The following SLIT2 variants were observed in gnomAD, a reference collection of about 807,000 sequenced individuals.
The protein encoded by SLIT2 is slit guidance ligand 2.
In SLIT2, 41 loss-of-function variants were observed where a neutral mutation model predicts 185.7. The ratio of observed to expected loss-of-function variants is 0.22; its 90% confidence interval spans 0.17 to 0.29. The LOEUF is 0.29. Ranked by LOEUF, SLIT2 falls within the 10% of genes least tolerant of loss-of-function variation. SLIT2 has a pLI of 1.00. For missense variants in SLIT2, 1,571 were observed against 1,909.0 expected (o/e 0.82, Z 3.30); for synonymous variants, 693 against 680.2 (o/e 1.02, Z -0.29).
intron 34 of SLIT2, among the ~76,000 whole-genome samples, chr4:20,612,526 A>G (rs1318190783): frequency 1.3e-5 from 2 of 152,138 alleles, no homozygotes; most frequent in Non-Finnish European, 2.9e-5. Context: ...TTTTCAAACC[A>G]CAAGGAACCT....
chr4:20,472,540 C>CTATATAGATA (rs1560454969), intron 5 of SLIT2, among the ~76,000 whole-genome samples: 913 of 9,480 alleles, frequency 0.096, 317 homozygotes, highest in African/African-American at 0.1. Context: ...ATAGATATAT[C>CTATATAGATA]TATATCTATA....
chr4:20,493,453 A>T (rs1397238664), intron 9 of SLIT2, among the ~76,000 whole-genome samples: 1 of 152,204 alleles, frequency 6.6e-6, no homozygotes, highest in Non-Finnish European at 1.5e-5. Context: ...TTTTCCTGAG[A>T]TCATCCATCA....
chr4:20,511,419 T>TC (rs1719698851), intron 11 of SLIT2, among the ~76,000 whole-genome samples: 1 of 146,612 alleles, frequency 6.8e-6, no homozygotes, highest in Non-Finnish European at 1.5e-5. Flanking sequence ...TTTTTTTATT[T>TC]CTTTTTTTTT....
intron 4 of SLIT2, among the ~76,000 whole-genome samples, chr4:20,341,446 G>A (rs1720956623): frequency 6.6e-6 from 1 of 152,144 alleles, no homozygotes; most frequent in Non-Finnish European, 1.5e-5. Context: ...ACATCTTCAA[G>A]GGCATTTTAA....
chr4:20,566,799 T>C (rs1347175758), intron 26 of SLIT2, among the ~76,000 whole-genome samples: 1 of 152,042 alleles, frequency 6.6e-6, no homozygotes, highest in African/African-American at 2.4e-5. Flanking sequence ...GCAGGTGCAT[T>C]GTATTGTGTA....
At chr4:20,493,417 T>C (rs934116940) in intron 9 of SLIT2, among the ~76,000 whole-genome samples, 1 of 152,184 alleles carries the variant, frequency 6.6e-6, no homozygotes, top group Admixed American at 6.5e-5. Context: ...ATTAAGTGAC[T>C]ATTTACTACC....
At chr4:20,500,834 G>T (rs1023139553) in intron 9 of SLIT2, among the ~76,000 whole-genome samples, 6 of 152,230 alleles carry the variant, frequency 3.9e-5, no homozygotes, top group Non-Finnish European at 7.4e-5. Flanking sequence ...ATTTTCTTCT[G>T]AGATCCTCAC....
intron 9 of SLIT2, among the ~76,000 whole-genome samples, chr4:20,493,636 C>T (rs1206699587): frequency 1.3e-5 from 2 of 152,140 alleles, no homozygotes; most frequent in African/African-American, 4.8e-5. Context: ...CCCAGGTTTA[C>T]CTATCATTTA....
rs375807900 is a variant in SLIT2 at position 20,557,942 on chromosome 4, G to A, written c.2725+3974G>A. Among the ~76,000 whole-genome samples the A allele has an allele frequency of 9.2e-5, 14 of 152,168 alleles. No homozygotes were observed. The East Asian group carries it at 2.5e-3, about 27-fold the overall frequency. On this transcript the variant is annotated intron_variant, in intron 26 of 36. Transcript: ENST00000504154. Reference sequence around the variant, plus strand: ...GGTAACTACACATGTGGTAGAAATAGCAAGAGATTAGAATTAGAAGTGGAG... The same window carrying A: ...GGTAACTACACATGTGGTAGAAATAACAAGAGATTAGAATTAGAAGTGGAG...
At chr4:20,380,131 G>A (rs1724372337) in intron 4 of SLIT2, among the ~76,000 whole-genome samples, 1 of 152,106 alleles carries the variant, frequency 6.6e-6, no homozygotes, top group African/African-American at 2.4e-5. Flanking sequence ...GTTCTTACCA[G>A]CAATAGGACA....
chr4:20,611,557 A>T (rs1000825547), intron 34 of SLIT2, among the ~76,000 whole-genome samples: 7 of 152,262 alleles, frequency 4.6e-5, no homozygotes, highest in African/African-American at 1.7e-4. Flanking sequence ...AAGTTGACTT[A>T]TCTGATTGCT....
intron 3 of SLIT2, among the ~76,000 whole-genome samples, chr4:20,268,350 T>C (rs1385380217): frequency 6.6e-6 from 1 of 151,634 alleles, no homozygotes; most frequent in African/African-American, 2.4e-5. Context: ...TTTTTTTTTT[T>C]CCTCCCAACT....
intron 4 of SLIT2, among the ~76,000 whole-genome samples, chr4:20,384,743 C>T (rs1724801101): frequency 6.6e-6 from 1 of 152,070 alleles, no homozygotes; most frequent in African/African-American, 2.4e-5. Context: ...AAATTTAAAT[C>T]TTTTGCTATT....
intron 4 of SLIT2, chr4:20,392,091 A>C (rs573963910): frequency 3.3e-5 from 5 of 152,014 alleles, no homozygotes; most frequent in African/African-American, 1.2e-4. Flanking sequence ...ATTCTGAGAA[A>C]TGCATCACTA....
Position 20,569,021 on chromosome 4 carries a change from A to G in SLIT2, c.3088+17A>G. On this transcript the variant is annotated intron_variant, in intron 29 of 36. Coordinates refer to ENST00000504154, the MANE Select transcript of SLIT2 (RefSeq NM_004787.4). The stretch of plus-strand genomic sequence containing the variant: ...AGTATACAGGTACAAATAATAGGAA[A>G]TATTTTGCCTTCCATCAGTATATCT... The G allele has an allele frequency of 2.5e-6, 4 of 1,609,010 alleles. No individual in the cohort carries two copies. In the African/African-American group the frequency reaches 4.0e-5, roughly 16 times the overall value.
intron 4 of SLIT2, among the ~76,000 whole-genome samples, chr4:20,316,690 T>C (rs1044306533): frequency 2.6e-5 from 4 of 151,644 alleles, no homozygotes; most frequent in Admixed American, 1.3e-4. Context: ...TATACTCATA[T>C]GTGAGAAATA....
chr4:20,292,510 G>C (rs1334402828), intron 4 of SLIT2, among the ~76,000 whole-genome samples: 1 of 152,106 alleles, frequency 6.6e-6, no homozygotes, highest in Non-Finnish European at 1.5e-5. Flanking sequence ...GAAGGAGAAG[G>C]AGCACTGAGA....
chr4:20,390,375 A>T (rs1184625937), intron 4 of SLIT2, among the ~76,000 whole-genome samples: 1 of 152,154 alleles, frequency 6.6e-6, no homozygotes, highest in African/African-American at 2.4e-5. Flanking sequence ...GGCAAGTACT[A>T]TCACAGAATT....
intron 4 of SLIT2, among the ~76,000 whole-genome samples, chr4:20,301,599 A>G (rs1717049333): frequency 6.6e-6 from 1 of 152,174 alleles, no homozygotes; most frequent in South Asian, 2.1e-4. Context: ...CCAATTCACT[A>G]GAAGAGCTAA....
Sources: gnomAD v4.1 joint callset for allele counts (sites outside exome capture counted in the v4.1 genomes callset) on GRCh38, gnomAD v4.1.1 for gene constraint, MANE v1.5 for transcripts, NCBI Gene and HGNC (gene_info 2026-07-23, HGNC 2026-07-21) for gene names.